Variants in VPS50 observed in about 807,000 individuals in gnomAD.
VPS50 encodes VPS50 subunit of EARP/GARPII complex, also known as syndetin.
In VPS50, 70 loss-of-function variants were observed where a neutral mutation model predicts 139.7. That is an observed-to-expected ratio of 0.50 (90% confidence interval 0.41 to 0.61). The LOEUF is 0.61. VPS50 is among the 20% of genes least tolerant of loss of function. The pLI, the probability that VPS50 is intolerant of heterozygous loss-of-function variation, is 0.00. For missense variants in VPS50, 921 were observed against 1,133.7 expected, an observed-to-expected ratio of 0.81 and a Z score of 2.69; for synonymous variants, 365 against 376.7, an observed-to-expected ratio of 0.97 and a Z score of 0.36.
At chr7:93,243,361 G>T (rs996787691) in intron 2 of VPS50, among the ~76,000 whole-genome samples, 33 of 152,050 alleles carry the variant, frequency 2.2e-4, no homozygotes, top group African/African-American at 7.9e-4. Context: ...CCGTTTTTGG[G>T]TGGAGGCAAG....
chr7:93,318,271 AAAC>A (rs1797488707), intron 20 of VPS50, among the ~76,000 whole-genome samples: 1 of 152,124 alleles, frequency 6.6e-6, no homozygotes, highest in Non-Finnish European at 1.5e-5. Flanking sequence ...TGTCACAAGA[AAAC>A]AACATTGGAG....
chr7:93,316,247 A>C (rs1330185234), intron 20 of VPS50, among the ~76,000 whole-genome samples: 1 of 152,146 alleles, frequency 6.6e-6, no homozygotes, highest in African/African-American at 2.4e-5. Flanking sequence ...AGCAGAGGAG[A>C]TGTGACGAGA....
intron 22 of VPS50, 57 bp from the exon 23 acceptor site, chr7:93,341,370 C>A (rs1220415575): frequency 1.7e-6 from 2 of 1,169,476 alleles, no homozygotes; most frequent in East Asian, 5.2e-5. Flanking sequence ...GTCAAAATCA[C>A]GTGGTTTATT....
intron 23 of VPS50, among the ~76,000 whole-genome samples, chr7:93,345,068 T>A (rs1204653313): frequency 6.6e-6 from 1 of 151,876 alleles, no homozygotes; most frequent in Non-Finnish European, 1.5e-5. Context: ...TCAACAAAAT[T>A]GATAGACTGC....
intron 1 of VPS50, among the ~76,000 whole-genome samples, chr7:93,235,615 A>T (rs1301655663): frequency 1.3e-5 from 2 of 152,190 alleles, no homozygotes; most frequent in Non-Finnish European, 2.9e-5. Context: ...TTGGGCTGTG[A>T]GGGAAAGAGA....
intron 2 of VPS50, among the ~76,000 whole-genome samples, chr7:93,249,365 A>G (rs1018658355): frequency 2.0e-5 from 3 of 152,086 alleles, no homozygotes; most frequent in African/African-American, 7.2e-5. Flanking sequence ...AGGTGAAAAA[A>G]AAACTAGGCA....
At chr7:93,236,943 T>C (rs1794822505) in intron 1 of VPS50, among the ~76,000 whole-genome samples, 1 of 104,994 alleles carries the variant, frequency 9.5e-6, no homozygotes, top group Admixed American at 9.0e-5. Flanking sequence ...ACTTCTTTTT[T>C]TTTTTTTTTT....
At position 93,246,107 on chromosome 7, in the gene VPS50, G is replaced by A. The variant is rs1307997075; in HGVS notation, c.102+6173G>A. Reference sequence around the variant, plus strand: ...CTTTTTTTTTTTGCTTTCAGTTAGAGCCCTAACGTGATGTTAACTTTGGTA... The same window carrying A: ...CTTTTTTTTTTTGCTTTCAGTTAGAACCCTAACGTGATGTTAACTTTGGTA... On this transcript the variant is annotated intron_variant, in intron 2 of 27. Transcript: ENST00000305866. 5.9e-6 allele frequency: 9 copies of A among 1,516,704 alleles called. No individual in the cohort carries two copies. The East Asian group carries it at 9.8e-5, about 17-fold the overall frequency. 94.0% of individuals were successfully genotyped at this position (1,516,704 alleles called of 1,614,324 possible).
intron 2 of VPS50, among the ~76,000 whole-genome samples, chr7:93,248,012 T>G (rs988011161): frequency 2.0e-5 from 3 of 152,044 alleles, no homozygotes; most frequent in Admixed American, 6.6e-5. Flanking sequence ...GCAGCACATT[T>G]GGTAGCCTGT....
intron 23 of VPS50, among the ~76,000 whole-genome samples, chr7:93,342,162 A>C (rs1255280241): frequency 1.3e-5 from 2 of 152,216 alleles, no homozygotes; most frequent in East Asian, 3.9e-4. Context: ...TTGCCTCACT[A>C]GGGAAGCACA....
intron 12 of VPS50, among the ~76,000 whole-genome samples, chr7:93,285,610 T>C (rs1796460745): frequency 6.6e-6 from 1 of 152,212 alleles, no homozygotes; most frequent in Admixed American, 6.5e-5. Context: ...TCAACTTATA[T>C]TTTATAATCA....
chr7:93,310,715 G>A (rs930556210), intron 19 of VPS50, among the ~76,000 whole-genome samples: 1 of 151,546 alleles, frequency 6.6e-6, no homozygotes, highest in African/African-American at 2.4e-5. Flanking sequence ...ATTTTATGCC[G>A]GCCCTTTTTT....
At chr7:93,245,945 A>T (rs1198867764) in intron 2 of VPS50, among the ~76,000 whole-genome samples, 1 of 151,776 alleles carries the variant, frequency 6.6e-6, no homozygotes, top group Non-Finnish European at 1.5e-5. Context: ...TAAGTTTTGA[A>T]TCCTGTTTCA....
intron 21 of VPS50, among the ~76,000 whole-genome samples, chr7:93,328,200 A>G (rs1797836626): frequency 6.6e-6 from 1 of 152,130 alleles, no homozygotes; most frequent in African/African-American, 2.4e-5. Context: ...CACCTCTTAA[A>G]TTATGTTTTC....
At chr7:93,268,321 T>A (rs938884713) in intron 9 of VPS50, among the ~76,000 whole-genome samples, 7 of 152,018 alleles carry the variant, frequency 4.6e-5, no homozygotes, top group Non-Finnish European at 8.8e-5. Context: ...ATTAGGAAGC[T>A]ATTTTTTTTT....
intron 1 of VPS50, among the ~76,000 whole-genome samples, chr7:93,239,541 T>G (rs1367515558): frequency 1.3e-5 from 2 of 152,210 alleles, no homozygotes; most frequent in African/African-American, 4.8e-5. Flanking sequence ...TATATACAAG[T>G]GGCTTTTATA....
chr7:93,254,230 A>G (rs745944955), intron 4 of VPS50, among the ~76,000 whole-genome samples: 7 of 152,190 alleles, frequency 4.6e-5, no homozygotes, highest in Non-Finnish European at 8.8e-5. Context: ...GCTCCTTGTC[A>G]TAGACGTATG....
rs559109994 is a variant in VPS50, at chr7:93,329,489, A to C, written c.1978-4628A>C. 7.9e-5 allele frequency among the ~76,000 whole-genome samples: 12 copies of C among 152,080 alleles called. No individual in the cohort carries two copies. The South Asian group carries it at 1.5e-3, about 18-fold the overall frequency. ...CATGGTAAAACATACATGTAATTGG[A>C]ATACTAGATGGAGAAGAAGAGAGAG... On this transcript the variant is annotated intron_variant, in intron 21 of 27. Coordinates refer to ENST00000305866, the MANE Select transcript of VPS50 (RefSeq NM_017667.4).
chr7:93,265,259 A>G (rs1429818231), intron 9 of VPS50, among the ~76,000 whole-genome samples: 3 of 152,176 alleles, frequency 2.0e-5, no homozygotes, highest in Non-Finnish European at 2.9e-5. Context: ...GCTGAACTCT[A>G]GCATGGGCTT....
Sources: gnomAD v4.1 joint callset for allele counts (sites outside exome capture counted in the v4.1 genomes callset) on GRCh38, gnomAD v4.1.1 for gene constraint, MANE v1.5 for transcripts, NCBI Gene and HGNC (gene_info 2026-07-23, HGNC 2026-07-21) for gene names.